The following PI4KA variants were observed in gnomAD, a reference collection of about 807,000 sequenced individuals.
The protein encoded by PI4KA is PI4-kinase alpha.
PI4KA carries 122 observed loss-of-function variants against 271.4 expected under a neutral mutation model. That is an observed-to-expected ratio of 0.45 (90% CI 0.39 to 0.52). PI4KA has a LOEUF of 0.52. PI4KA is among the 20% of genes least tolerant of loss of function. The pLI is 0.00. For missense variants in PI4KA, 1,969 were observed against 2,769.1 expected (o/e 0.71, Z 6.48); for synonymous variants, 1,041 against 1,078.8 (o/e 0.96, Z 0.69).
At position 20,807,393 on chromosome 22, in the gene PI4KA, CT is replaced by C; in HGVS notation, c.1136del (p.Lys379ArgfsTer10). 1 of 1,613,230 alleles carries C rather than the reference CT, an allele frequency of 6.2e-7. No individual in the cohort carries two copies. The highest frequency in any genetic ancestry group is 1.1e-5 in the South Asian group (1 of 91,052). ...FSDPLYLTMF[K>X]MLRDTLYYMK... is the part of the protein sequence containing the mutation. ...TGTAGTACAGAGTGTCACGCAGCATCTTGAACATGGTCAGGTAGAGAGGGTC... is the reference window on the plus strand; with the variant it reads ...TGTAGTACAGAGTGTCACGCAGCATCTGAACATGGTCAGGTAGAGAGGGTC... On this transcript the variant is annotated frameshift_variant, in exon 10 of 55. Coordinates refer to ENST00000255882, the MANE Select transcript of PI4KA (RefSeq NM_058004.4). LOFTEE classifies it high-confidence loss of function.
At chr22:20,754,725 G>A (rs1443494522) in intron 23 of PI4KA, among the ~76,000 whole-genome samples, 1 of 152,132 alleles carries the variant, frequency 6.6e-6, no homozygotes. Context: ...CGAGGTGGGT[G>A]GATCACGAGG....
intron 19 of PI4KA, among the ~76,000 whole-genome samples, chr22:20,776,831 T>A (rs1395454138): frequency 2.0e-5 from 3 of 152,132 alleles, no homozygotes. Flanking sequence ...GAGGCCATTA[T>A]CAACATTAAC....
Position 20,805,134 on chromosome 22 carries a change from A to C in PI4KA, c.1200T>G (p.His400Gln), listed in dbSNP as rs757381753. ...TGTTGAACTGCTCCAGCACAAAATC[A>C]TGGATCTCCTTCACAAAAGAGGTCG... ...DLPTSFVKEI[H>Q]DFVLEQFNTS... Residue 400 changes from histidine (H) to glutamine (Q), a missense_variant, in exon 11 of 55, where the codon CAT (histidine) becomes CAG (glutamine). This residue lies in a region of PI4KA where 540 missense variants were observed against 555.5 expected (regional missense o/e 0.97). Coordinates refer to ENST00000255882, the MANE Select transcript of PI4KA (RefSeq NM_058004.4). 5 of 1,614,000 alleles carry C rather than the reference A, an allele frequency of 3.1e-6. No individual in the cohort carries two copies. The highest frequency in any genetic ancestry group is 4.2e-6 in the Non-Finnish European group (5 of 1,179,926).
chr22:20,782,971 C>T (rs75772016), intron 19 of PI4KA, among the ~76,000 whole-genome samples: 4,316 of 127,918 alleles, frequency 0.034, 192 homozygotes, highest in African/African-American at 0.12. Flanking sequence ...AGCTAGAAAC[C>T]TTGAACAAGT....
intron 31 of PI4KA, 55 bp downstream of exon 31, chr22:20,742,553 G>C (rs1929587082): frequency 9.4e-6 from 15 of 1,598,326 alleles, no homozygotes; most frequent in Non-Finnish European, 1.3e-5. Flanking sequence ...GGGTCATCAA[G>C]GCCAGCATTC....
chr22:20,783,856 TC>T (rs1226040004), intron 19 of PI4KA: 1 of 1,360,752 alleles, frequency 7.3e-7, no homozygotes, highest in Non-Finnish European at 1.0e-6. Flanking sequence ...GACTGTGGGG[TC>T]GGCTCTGCAG....
At chr22:20,762,997 G>C (rs577648213) in intron 22 of PI4KA, among the ~76,000 whole-genome samples, 41 of 77,224 alleles carry the variant, frequency 5.3e-4, no homozygotes, top group Non-Finnish European at 8.6e-4. Context: ...CAACTGGCTA[G>C]GTTTTTTTGC....
At position 20,804,347 on chromosome 22, in the gene PI4KA, T is replaced by G. The variant is rs1298440445; in HGVS notation, c.1414A>C (p.Ser472Arg). 1.2e-6 allele frequency: 2 copies of G among 1,614,094 alleles called. No individual in the cohort carries two copies. Among genetic ancestry groups the G allele is most frequent in the Non-Finnish European group, 1.7e-6 (2 of 1,179,936 alleles). ...LSEKLQSKTSSKVIIAHLPLL... is the reference protein window; with the variant it reads ...LSEKLQSKTSRKVIIAHLPLL... ...GGCAAGTGAGCAATAATGACTTTGCTGGACGTCTTGGACTGCAGCTTCTCA... is the reference window on the plus strand; with the variant it reads ...GGCAAGTGAGCAATAATGACTTTGCGGGACGTCTTGGACTGCAGCTTCTCA... Residue 472 changes from serine (S) to arginine (R), a missense_variant, in exon 12 of 55, where the codon AGC becomes CGC. Ser to Arg is a moderately radical substitution (Grantham distance 110, BLOSUM62 -1). This residue lies in a region of PI4KA where 228 missense variants were observed against 261.6 expected (regional missense o/e 0.87). Transcript: ENST00000255882.
At chr22:20,786,126 A>C in intron 19 of PI4KA, 2 of 1,614,122 alleles carry the variant, frequency 1.2e-6, no homozygotes, top group Non-Finnish European at 8.5e-7. Context: ...GGCATCTCAG[A>C]CCAAAGGATC....
intron 7 of PI4KA, among the ~76,000 whole-genome samples, chr22:20,815,616 G>A (rs1225049695): frequency 1.3e-5 from 2 of 152,112 alleles, no homozygotes; most frequent in Non-Finnish European, 2.9e-5. Flanking sequence ...TAAAGAGGAC[G>A]CAAACCAGCA....
At chr22:20,733,935 G>C in intron 34 of PI4KA, 92 bp from the exon 35 acceptor site, 1 of 1,541,588 alleles carries the variant, frequency 6.5e-7, no homozygotes, top group South Asian at 1.2e-5. Flanking sequence ...TCCAGGAGCA[G>C]CTCACTGAAA....
intron 7 of PI4KA, 34 bp downstream of exon 7, chr22:20,818,449 A>T (rs781724830): frequency 6.6e-7 from 1 of 1,509,016 alleles, no homozygotes; most frequent in Admixed American, 1.9e-5. Flanking sequence ...TCCAAGTATT[A>T]CGTCAAAATA....
rs567925270 is a variant in PI4KA at position 20,835,715 on chromosome 22, G to C, written c.274-1060C>G. Among the ~76,000 whole-genome samples, 16 of 151,982 alleles carry C rather than the reference G, an allele frequency of 1.1e-4. No individual in the cohort carries two copies. The South Asian group carries it at 3.3e-3, about 32-fold the overall frequency. Reference sequence around the variant, plus strand: ...CCACTGCACTCCAGCCTGCGCAAGAGAGTGAAATCCTGTCTCGAAAAAAAT... The same window carrying C: ...CCACTGCACTCCAGCCTGCGCAAGACAGTGAAATCCTGTCTCGAAAAAAAT... On this transcript the variant is annotated intron_variant, in intron 2 of 54. Transcript: ENST00000255882.
At chr22:20,857,614 C>G (rs1179719208) in intron 1 of PI4KA, among the ~76,000 whole-genome samples, 1 of 152,188 alleles carries the variant, frequency 6.6e-6, no homozygotes, top group East Asian at 1.9e-4. Context: ...CACGGGTGGG[C>G]AAAGAAAGTT....
intron 2 of PI4KA, 96 bp downstream of exon 2, chr22:20,838,519 T>C (rs1229840132): frequency 1.1e-5 from 8 of 742,724 alleles, no homozygotes; most frequent in African/African-American, 5.2e-5. Context: ...TGTATTCTTC[T>C]ACTATTGCTT....
rs180847399 is a variant in PI4KA, at chr22:20,783,005, T to A, written c.2328+10188A>T. Reference sequence around the variant, plus strand: ...GTTACTTCACTTCTTTGTGCCTCTGTTTCCTCATATGTAAAAGAGGGATAA... The same window carrying A: ...GTTACTTCACTTCTTTGTGCCTCTGATTCCTCATATGTAAAAGAGGGATAA... On this transcript the variant is annotated intron_variant, in intron 19 of 54. Coordinates refer to ENST00000255882, the MANE Select transcript of PI4KA (RefSeq NM_058004.4). 2.5e-3 allele frequency among the ~76,000 whole-genome samples: 375 copies of A among 152,316 alleles called. 2 individuals are homozygous for A. Among genetic ancestry groups the A allele is most frequent in the Non-Finnish European group, 4.6e-3 (311 of 68,030 alleles).
intron 32 of PI4KA, among the ~76,000 whole-genome samples, chr22:20,740,223 T>C (rs1304939858): frequency 1.1e-4 from 16 of 150,996 alleles, no homozygotes; most frequent in Admixed American, 1.1e-3. Flanking sequence ...TACAGCAGAA[T>C]GAATAAAGCA....
chr22:20,715,087 T>TG (rs1925808199), intron 45 of PI4KA, among the ~76,000 whole-genome samples: 1 of 151,818 alleles, frequency 6.6e-6, no homozygotes, highest in African/African-American at 2.4e-5. Context: ...TTTTTTTTTT[T>TG]TTGGATAGAG....
At chr22:20,772,154 C>T (rs1386411831) in intron 19 of PI4KA, among the ~76,000 whole-genome samples, 1 of 152,200 alleles carries the variant, frequency 6.6e-6, no homozygotes, top group South Asian at 2.1e-4. Context: ...CAACCTCATG[C>T]AGTAGGTGTA....
Sources: gnomAD v4.1 joint callset for allele counts (sites outside exome capture counted in the v4.1 genomes callset) on GRCh38, gnomAD v4.1.1 for gene constraint, gnomAD v4.1.1 regional missense constraint, MANE v1.5 for transcripts, NCBI Gene and HGNC (gene_info 2026-07-23, HGNC 2026-07-21) for gene names.